Variants in PDZRN4 observed in about 807,000 individuals in gnomAD.
The protein encoded by PDZRN4 is PDZ domain containing ring finger 4.
A neutral mutation model predicts 99.0 loss-of-function variants in PDZRN4; 70 were observed. That is an observed-to-expected ratio of 0.71 (90% CI 0.58 to 0.86). The LOEUF (loss-of-function observed/expected upper bound fraction) is 0.86, where lower values mean the gene tolerates loss of function less well. PDZRN4 is among the 40% of genes least tolerant of loss of function. The pLI is 0.00. For synonymous variants in PDZRN4, 551 were observed against 501.6 expected (o/e 1.10, Z -1.32); for missense variants, 1,474 against 1,331.2 (o/e 1.11, Z -1.67).
intron 3 of PDZRN4, among the ~76,000 whole-genome samples, chr12:41,472,095 C>T (rs1335422122): frequency 1.3e-5 from 2 of 151,990 alleles, no homozygotes; most frequent in East Asian, 3.9e-4. Context: ...TCCACACCTC[C>T]CAGGTTCAAG....
rs548748432 is a variant in PDZRN4, at chr12:41,482,559, T to C, written c.844-23897T>C. ...TCATATATGTTGAGTTATTTATTTC[T>C]CATAAAAGTCCTGTAAGATTAATAT... On this transcript the variant is annotated intron_variant, in intron 3 of 9. Transcript: ENST00000402685. Among the ~76,000 whole-genome samples, 16 of 152,272 alleles carry C rather than the reference T, an allele frequency of 1.1e-4. No individual in the cohort carries two copies. In the East Asian group the frequency reaches 3.1e-3, roughly 29 times the overall value.
intron 3 of PDZRN4, among the ~76,000 whole-genome samples, chr12:41,283,902 C>T (rs1033090914): frequency 2.9e-4 from 44 of 152,176 alleles, no homozygotes; most frequent in African/African-American, 1.1e-3. Context: ...CAGCCAATAT[C>T]ATACTGAATG....
At chr12:41,348,775 C>A (rs118123231) in intron 3 of PDZRN4, among the ~76,000 whole-genome samples, 1 of 151,882 alleles carries the variant, frequency 6.6e-6, no homozygotes, top group Admixed American at 6.6e-5. Context: ...ACAAGAATGA[C>A]AGACAAGCCA....
chr12:41,500,285 T>A (rs1331752660), intron 3 of PDZRN4, among the ~76,000 whole-genome samples: 1 of 151,902 alleles, frequency 6.6e-6, no homozygotes, highest in Non-Finnish European at 1.5e-5. Context: ...ATTTTGGAGC[T>A]AAGGGAAGCT....
At chr12:41,470,797 G>A (rs1344094116) in intron 3 of PDZRN4, among the ~76,000 whole-genome samples, 1 of 152,006 alleles carries the variant, frequency 6.6e-6, no homozygotes, top group African/African-American at 2.4e-5. Flanking sequence ...TGGCAAGAAC[G>A]AGCCTCATGG....
At chr12:41,375,290 T>C (rs927483844) in intron 3 of PDZRN4, among the ~76,000 whole-genome samples, 1 of 152,210 alleles carries the variant, frequency 6.6e-6, no homozygotes, top group Non-Finnish European at 1.5e-5. Context: ...GGTAGTGTGC[T>C]ATTCAACGAG....
chr12:41,299,559 T>C (rs1053034445), intron 3 of PDZRN4, among the ~76,000 whole-genome samples: 2 of 152,100 alleles, frequency 1.3e-5, no homozygotes, highest in African/African-American at 2.4e-5. Context: ...ATAATATTTA[T>C]AGTGACACTG....
intron 5 of PDZRN4, among the ~76,000 whole-genome samples, chr12:41,510,870 G>A (rs1389950088): frequency 6.6e-6 from 1 of 152,054 alleles, no homozygotes; most frequent in Non-Finnish European, 1.5e-5. Flanking sequence ...TTTCTTTGCA[G>A]CCAAAATTTA....
chr12:41,293,005 T>C (rs767439129), intron 3 of PDZRN4, among the ~76,000 whole-genome samples: 5 of 151,346 alleles, frequency 3.3e-5, no homozygotes, highest in Non-Finnish European at 7.4e-5. Flanking sequence ...TCCACTAACA[T>C]CTTGGAGGCA....
intron 3 of PDZRN4, among the ~76,000 whole-genome samples, chr12:41,359,181 T>TG (rs1951948693): frequency 6.6e-6 from 1 of 151,112 alleles, no homozygotes; most frequent in South Asian, 2.1e-4. Flanking sequence ...ACTTCTAACA[T>TG]TTTTTTTTAT....
intron 3 of PDZRN4, among the ~76,000 whole-genome samples, chr12:41,277,362 C>T (rs758838597): frequency 2.6e-5 from 4 of 152,060 alleles, no homozygotes; most frequent in Admixed American, 2.0e-4. Flanking sequence ...ACTACAAGGC[C>T]GTTGCTGAAA....
rs530907692 is a variant in PDZRN4 at position 41,408,815 on chromosome 12, C to T, written c.844-97641C>T. ...TCTCTCTCTGTCTCTGTCTCTCTTG[C>T]GCTCTCTCTCTCACTCTCTCGCACT... On this transcript the variant is annotated intron_variant, in intron 3 of 9. Coordinates refer to ENST00000402685, the MANE Select transcript of PDZRN4 (RefSeq NM_001164595.2). Among the ~76,000 whole-genome samples the T allele has an allele frequency of 1.1e-4, 17 of 151,400 alleles. No homozygotes were observed. The East Asian group carries it at 1.7e-3, about 16-fold the overall frequency.
chr12:41,227,188 T>C (rs1027337600), intron 3 of PDZRN4, among the ~76,000 whole-genome samples: 3 of 152,092 alleles, frequency 2.0e-5, no homozygotes, highest in African/African-American at 4.8e-5. Flanking sequence ...TGTGTGACAT[T>C]TAGGGAATGA....
At chr12:41,499,686 A>C (rs1404518658) in intron 3 of PDZRN4, among the ~76,000 whole-genome samples, 1 of 152,072 alleles carries the variant, frequency 6.6e-6, no homozygotes, top group African/African-American at 2.4e-5. Context: ...TTGGTTCAGG[A>C]ACAGTTTGGA....
At chr12:41,532,166 A>G (rs1393490820) in intron 5 of PDZRN4, among the ~76,000 whole-genome samples, 1 of 152,142 alleles carries the variant, frequency 6.6e-6, no homozygotes, top group African/African-American at 2.4e-5. Context: ...ACTCAGTACT[A>G]CTAATTGAAA....
intron 3 of PDZRN4, among the ~76,000 whole-genome samples, chr12:41,282,945 A>G (rs1951398404): frequency 6.6e-6 from 1 of 152,180 alleles, no homozygotes; most frequent in Non-Finnish European, 1.5e-5. Flanking sequence ...TCGACACCCT[A>G]ACATAGCAAT....
chr12:41,420,293 C>T (rs1446003301), intron 3 of PDZRN4, among the ~76,000 whole-genome samples: 1 of 152,126 alleles, frequency 6.6e-6, no homozygotes, highest in African/African-American at 2.4e-5. Context: ...TACTCTGTCT[C>T]CCTTCAGCAT....
At chr12:41,509,769 C>A in intron 4 of PDZRN4, 42 bp from the exon 5 acceptor site, 2 of 896,762 alleles carry the variant, frequency 2.2e-6, no homozygotes, top group Non-Finnish European at 3.5e-6. Context: ...TGGAAAACAA[C>A]CCATTTAATC....
chr12:41,233,230 A>G (rs1463816774), intron 3 of PDZRN4, among the ~76,000 whole-genome samples: 1 of 152,238 alleles, frequency 6.6e-6, no homozygotes, highest in Non-Finnish European at 1.5e-5. Flanking sequence ...AATCAAAACC[A>G]CAATGAGAAA....
Sources: allele counts gnomAD v4.1 joint callset (sites outside exome capture counted in the v4.1 genomes callset), GRCh38; gene constraint gnomAD v4.1.1; transcripts MANE v1.5; gene names NCBI Gene and HGNC (gene_info 2026-07-23, HGNC 2026-07-21).